Variants in JAK1 observed in about 807,000 individuals in gnomAD.
JAK1 encodes tyrosine-protein kinase JAK1.
JAK1 carries 16 observed loss-of-function variants against 136.6 expected under a neutral mutation model. The observed-to-expected ratio is 0.12, with a 90% CI of 0.08 to 0.18. JAK1 has a LOEUF of 0.18. Ranked by LOEUF, JAK1 falls within the 10% of genes least tolerant of loss-of-function variation. JAK1 has a pLI of 1.00. For missense variants in JAK1, 859 were observed against 1,450.1 expected (o/e 0.59, Z 6.62); for synonymous variants, 492 against 519.5 (o/e 0.95, Z 0.72).
intron 2 of JAK1, among the ~76,000 whole-genome samples, chr1:64,971,705 C>T (rs1557736634): frequency 6.6e-6 from 1 of 152,126 alleles, no homozygotes; most frequent in East Asian, 1.9e-4. Context: ...ATTACAGGCA[C>T]GTGCCAACAT....
Position 64,837,989 on chromosome 1 carries a change from A to G in JAK1, c.3083T>C (p.Ile1028Thr), listed in dbSNP as rs1654597746. The G allele has an allele frequency of 6.2e-7, 1 of 1,614,170 alleles. No individual in the cohort carries two copies. Among genetic ancestry groups the G allele is most frequent in the Non-Finnish European group, 8.5e-7 (1 of 1,180,016 alleles). Residue 1028 changes from isoleucine to threonine, a missense_variant, in exon 22 of 25, where the codon ATT becomes ACT. By Grantham distance (89) the Ile-to-Thr change is moderately conservative. Around this residue, in one of 4 missense-constraint regions of JAK1, gnomAD observed 44 missense variants for 137.6 expected, o/e 0.32. Transcript: ENST00000342505. ...KIGDFGLTKA[I>T]ETDKEYYTVK... ...GGTGTAATACTCCTTATCGGTTTCA[A>G]TTGCTTTGGTTAAACCGAAGTCTCC... is the stretch of plus-strand genomic sequence containing the variant.
At chr1:65,046,049 A>C (rs1243629205) in intron 1 of JAK1, among the ~76,000 whole-genome samples, 1 of 152,246 alleles carries the variant, frequency 6.6e-6, no homozygotes, top group Non-Finnish European at 1.5e-5. Context: ...TATCTTATAC[A>C]CAGTCAGAAC....
At chr1:65,063,566 G>A (rs1647905728) in intron 1 of JAK1, among the ~76,000 whole-genome samples, 1 of 152,150 alleles carries the variant, frequency 6.6e-6, no homozygotes, top group South Asian at 2.1e-4. Flanking sequence ...CAGTTTGGGA[G>A]GCCAAGGCGG....
intron 1 of JAK1, among the ~76,000 whole-genome samples, chr1:64,946,730 T>A (rs1475945883): frequency 6.6e-6 from 1 of 152,040 alleles, no homozygotes; most frequent in Non-Finnish European, 1.5e-5. Context: ...ACAAAACAAC[T>A]GAAAGCAGGG....
At chr1:64,924,248 C>G (rs565836904) in intron 1 of JAK1, among the ~76,000 whole-genome samples, 1 of 152,172 alleles carries the variant, frequency 6.6e-6, no homozygotes, top group East Asian at 1.9e-4. Context: ...TAGTGGCATT[C>G]CTAGAAAATT....
intron 2 of JAK1, among the ~76,000 whole-genome samples, chr1:65,040,082 G>T (rs958697788): frequency 6.6e-6 from 1 of 152,056 alleles, no homozygotes; most frequent in African/African-American, 2.4e-5. Context: ...AGACATGGTG[G>T]TGGGCACCTA....
intron 1 of JAK1, among the ~76,000 whole-genome samples, chr1:64,937,518 C>G (rs1202151226): frequency 1.3e-5 from 2 of 152,148 alleles, no homozygotes; most frequent in Non-Finnish European, 2.9e-5. Context: ...AAGAAAGGAG[C>G]GTATCACTGT....
At chr1:64,944,135 T>G (rs1303434821) in intron 1 of JAK1, among the ~76,000 whole-genome samples, 1 of 143,154 alleles carries the variant, frequency 7.0e-6, no homozygotes, top group Non-Finnish European at 1.5e-5. Flanking sequence ...GGCAGGAGAA[T>G]GGCATGAACC....
intron 13 of JAK1, among the ~76,000 whole-genome samples, chr1:64,847,138 A>C (rs771902869): frequency 9.2e-5 from 14 of 152,340 alleles, no homozygotes; most frequent in African/African-American, 1.4e-4. Context: ...TCACTCTAAT[A>C]GTCTGTAGAA....
chr1:64,870,532 T>A (rs1440287059), intron 5 of JAK1, among the ~76,000 whole-genome samples: 2 of 152,122 alleles, frequency 1.3e-5, no homozygotes, highest in Non-Finnish European at 2.9e-5. Flanking sequence ...AGTGGTAGGC[T>A]GGGATTAAAT....
intron 2 of JAK1, among the ~76,000 whole-genome samples, chr1:64,982,114 G>GCA (rs1557741630): frequency 2.0e-5 from 3 of 150,178 alleles, no homozygotes; most frequent in African/African-American, 4.9e-5. Flanking sequence ...ACACACACAC[G>GCA]CACACACACG....
At chr1:65,016,768 G>C (rs1166830699) in intron 2 of JAK1, among the ~76,000 whole-genome samples, 1 of 151,960 alleles carries the variant, frequency 6.6e-6, no homozygotes, top group Non-Finnish European at 1.5e-5. Flanking sequence ...CATGGTGGCA[G>C]GCACCTGTAA....
intron 1 of JAK1, among the ~76,000 whole-genome samples, chr1:64,932,789 G>A (rs1487158015): frequency 2.0e-5 from 3 of 151,988 alleles, no homozygotes; most frequent in Non-Finnish European, 4.4e-5. Context: ...GACAGTCCCA[G>A]CTGGCACCTG....
intron 2 of JAK1, among the ~76,000 whole-genome samples, chr1:65,021,065 T>C (rs1316144240): frequency 1.3e-5 from 2 of 152,194 alleles, no homozygotes; most frequent in Admixed American, 1.3e-4. Context: ...CCCAATCTTC[T>C]GTCTGTGCTC....
At chr1:64,933,717 G>A (rs1645738274) in intron 1 of JAK1, among the ~76,000 whole-genome samples, 1 of 152,152 alleles carries the variant, frequency 6.6e-6, no homozygotes, top group African/African-American at 2.4e-5. Flanking sequence ...CTGACTACAT[G>A]ACAAAGATGT....
chr1:64,839,198 A>G (rs969344863), intron 20 of JAK1, among the ~76,000 whole-genome samples: 4 of 151,752 alleles, frequency 2.6e-5, no homozygotes, highest in African/African-American at 7.3e-5. Context: ...TTTCACTACC[A>G]TGAGTAGATG....
chr1:65,043,700 A>ATTTTTTTTTTTTTTTTT (rs112982943), intron 2 of JAK1, among the ~76,000 whole-genome samples: 21 of 101,252 alleles, frequency 2.1e-4, no homozygotes, highest in Non-Finnish European at 3.3e-4. Flanking sequence ...CACCTGGCTA[A>ATTTTTTTTTTTTTTTTT]TTTTTTTTTT....
intron 2 of JAK1, among the ~76,000 whole-genome samples, chr1:65,024,385 G>T (rs1371291029): frequency 6.6e-6 from 1 of 151,910 alleles, no homozygotes; most frequent in Admixed American, 6.6e-5. Flanking sequence ...AGAGTTTATT[G>T]GCTACTTGTA....
At chr1:65,044,125 G>A (rs573540180) in intron 2 of JAK1, among the ~76,000 whole-genome samples, 4 of 152,270 alleles carry the variant, frequency 2.6e-5, no homozygotes, top group South Asian at 2.1e-4. Context: ...CCAAAATGCT[G>A]GGATTACAGG....
Sources: gnomAD v4.1 joint callset for allele counts (sites outside exome capture counted in the v4.1 genomes callset) on GRCh38, gnomAD v4.1.1 for gene constraint, gnomAD v4.1.1 regional missense constraint, MANE v1.5 for transcripts, NCBI Gene and HGNC (gene_info 2026-07-23, HGNC 2026-07-21) for gene names.